SLC2A9: variants seen among roughly 807,000 people sequenced by gnomAD.
SLC2A9 encodes solute carrier family 2 member 9.
A neutral mutation model predicts 50.6 loss-of-function variants in SLC2A9; 39 were observed. The ratio of observed to expected loss-of-function variants is 0.77; its 90% confidence interval spans 0.60 to 1.01. The LOEUF (loss-of-function observed/expected upper bound fraction) is 1.01. SLC2A9 is among the 50% of genes least tolerant of loss of function. The pLI is 0.00. For synonymous variants in SLC2A9, 324 were observed against 276.9 expected (o/e 1.17, Z -1.69); for missense variants, 686 against 677.6 (o/e 1.01, Z -0.14).
Position 10,021,359 on chromosome 4 carries a change from G to C in SLC2A9, c.71C>G (p.Ala24Gly). 2.5e-6 allele frequency: 4 copies of C among 1,614,248 alleles called. No homozygotes were observed. The highest frequency in any genetic ancestry group is 3.4e-6 in the Non-Finnish European group (4 of 1,180,046). ...LVPLTDDTSHAGPPGPGRALL... is the reference protein window; with the variant it reads ...LVPLTDDTSHGGPPGPGRALL... Reference sequence around the variant, plus strand: ...TGCCCTCCCTGGCCCTGGAGGCCCGGCGTGGCTGGTGTCATCTGTGAGGGG... The same window carrying C: ...TGCCCTCCCTGGCCCTGGAGGCCCGCCGTGGCTGGTGTCATCTGTGAGGGG... The change falls in exon 1 of 12, where the codon GCC (alanine) becomes GGC (glycine). Residue 24 changes from alanine to glycine, a missense_variant. Ala to Gly is a moderately conservative substitution (Grantham distance 60). Transcript: ENST00000264784.
chr4:9,839,422 G>A (rs1390107389), intron 10 of SLC2A9, among the ~76,000 whole-genome samples: 1 of 152,118 alleles, frequency 6.6e-6, no homozygotes, highest in African/African-American at 2.4e-5. Context: ...GGAAGACAGT[G>A]TGGCCGTTCC....
At chr4:9,801,853 T>G (rs185236622) in intron 3 of SLC2A9, among the ~76,000 whole-genome samples, 7 of 152,052 alleles carry the variant, frequency 4.6e-5, no homozygotes, top group African/African-American at 1.7e-4. Context: ...AGAGAATAGG[T>G]TTGGGAGTGC....
intron 5 of SLC2A9, among the ~76,000 whole-genome samples, chr4:9,962,033 G>C (rs1039941507): frequency 6.6e-6 from 1 of 152,224 alleles, no homozygotes; most frequent in African/African-American, 2.4e-5. Flanking sequence ...TCTCATGCCA[G>C]TCAGAATGGA....
intron 3 of SLC2A9, among the ~76,000 whole-genome samples, chr4:9,804,744 C>T (rs1560134217): frequency 6.6e-6 from 1 of 152,224 alleles, no homozygotes; most frequent in East Asian, 1.9e-4. Context: ...GCAGGACGGA[C>T]AGGAGAGAAT....
chr4:9,940,564 T>A (rs1427217659), intron 6 of SLC2A9, among the ~76,000 whole-genome samples: 2 of 152,198 alleles, frequency 1.3e-5, no homozygotes, highest in Admixed American at 1.3e-4. Flanking sequence ...ATCATTTCCA[T>A]CATATTTTCA....
At chr4:9,885,294 T>C (rs531272020) in intron 10 of SLC2A9, among the ~76,000 whole-genome samples, 70 of 152,314 alleles carry the variant, frequency 4.6e-4, no homozygotes, top group African/African-American at 1.7e-3. Context: ...AATAAAGGCT[T>C]GAGAAATTGA....
intron 7 of SLC2A9, among the ~76,000 whole-genome samples, chr4:9,919,669 T>C (rs895101082): frequency 5.9e-5 from 9 of 152,222 alleles, no homozygotes; most frequent in African/African-American, 1.7e-4. Flanking sequence ...GGATGCTTTA[T>C]GCAAGAATCT....
chr4:9,913,349 G>C (rs993152823), intron 7 of SLC2A9, among the ~76,000 whole-genome samples: 48 of 150,352 alleles, frequency 3.2e-4, no homozygotes, highest in African/African-American at 1.1e-3. Context: ...GAGAGAGAGA[G>C]AGAGAGACAG....
intron 7 of SLC2A9, among the ~76,000 whole-genome samples, chr4:9,909,284 TGA>T (rs1156379909): frequency 6.6e-6 from 1 of 152,210 alleles, no homozygotes; most frequent in African/African-American, 2.4e-5. Flanking sequence ...TGAGGACTTT[TGA>T]GAGTGTTGAT....
At chr4:9,989,891 A>AT (rs1041128459) in intron 3 of SLC2A9, among the ~76,000 whole-genome samples, 10 of 151,626 alleles carry the variant, frequency 6.6e-5, no homozygotes, top group African/African-American at 2.2e-4. Flanking sequence ...TTGGAGAGCT[A>AT]TTTCCCAGGG....
intron 10 of SLC2A9, among the ~76,000 whole-genome samples, chr4:9,846,953 T>G (rs1577504918): frequency 6.6e-6 from 1 of 152,336 alleles, no homozygotes; most frequent in African/African-American, 2.4e-5. Context: ...GTCACCAGGT[T>G]TAACCCAGTT....
chr4:9,940,434 G>T (rs1560347337), intron 6 of SLC2A9, among the ~76,000 whole-genome samples: 1 of 152,202 alleles, frequency 6.6e-6, no homozygotes, highest in African/African-American at 2.4e-5. Flanking sequence ...ACGGGTTTAA[G>T]ATTGGGGGTG....
chr4:9,777,707 C>T (rs1417860593), downstream of SLC2A9, among the ~76,000 whole-genome samples: 1 of 152,190 alleles, frequency 6.6e-6, no homozygotes, highest in Admixed American at 6.5e-5. Flanking sequence ...CAGACATGAA[C>T]AAGACACAAT....
In SLC2A9 at chr4:10,017,164, C is replaced by T. The variant is rs147384366; in HGVS notation, c.249+1811G>A. ...GATACATTATAAACTCTCAACAATG[C>T]TTGCTGAATGAATAAGTGAGTAATG... On this transcript the variant is annotated intron_variant, in intron 2 of 11. Coordinates refer to ENST00000264784, the MANE Select transcript of SLC2A9 (RefSeq NM_020041.3). Among the ~76,000 whole-genome samples, 67 of 152,352 alleles carry T rather than the reference C, an allele frequency of 4.4e-4. 1 individual carries two copies. Among genetic ancestry groups the T allele is most frequent in the Middle Eastern group, 6.8e-3 (2 of 294 alleles).
chr4:9,814,408 C>A (rs186554889), intron 3 of SLC2A9, among the ~76,000 whole-genome samples: 10 of 152,246 alleles, frequency 6.6e-5, no homozygotes, highest in Admixed American at 5.9e-4. Context: ...GTTTGGGGAT[C>A]CAAGAAGTGC....
chr4:9,994,375 C>G lies in SLC2A9; in HGVS notation c.410+2406G>C, dbSNP rs563468025. ...CTCCCCAGCAGAGTTGCTCTTCAAG[C>G]TGAAACTTCAGCCCAAATCAACTTT... On this transcript the variant is annotated intron_variant, in intron 3 of 11. Coordinates refer to ENST00000264784, the MANE Select transcript of SLC2A9 (RefSeq NM_020041.3). Among the ~76,000 whole-genome samples, 270 of 152,296 alleles carry G rather than the reference C, an allele frequency of 1.8e-3. 2 individuals carry two copies. Among genetic ancestry groups the G allele is most frequent in the Admixed American group, 2.9e-3 (44 of 15,294 alleles).
intron 1 of SLC2A9, among the ~76,000 whole-genome samples, chr4:10,032,384 G>A (rs1390617770): frequency 6.6e-6 from 1 of 152,122 alleles, no homozygotes; most frequent in Non-Finnish European, 1.5e-5. Context: ...GTGTGGTGGG[G>A]TTGTCAAGGC....
At chr4:9,948,880 G>T (rs1479418677) in intron 5 of SLC2A9, among the ~76,000 whole-genome samples, 1 of 152,188 alleles carries the variant, frequency 6.6e-6, no homozygotes, top group Admixed American at 6.5e-5. Context: ...ACACATCTAT[G>T]GGCCCATGAT....
intron 10 of SLC2A9, among the ~76,000 whole-genome samples, chr4:9,836,724 T>C (rs919585511): frequency 3.9e-5 from 6 of 152,200 alleles, no homozygotes; most frequent in African/African-American, 1.4e-4. Context: ...CAATTTGCAT[T>C]TCACAGAGGT....
Sources: allele counts gnomAD v4.1 joint callset (sites outside exome capture counted in the v4.1 genomes callset), GRCh38; gene constraint gnomAD v4.1.1; transcripts MANE v1.5; gene names NCBI Gene and HGNC (gene_info 2026-07-23, HGNC 2026-07-21).